CRTAM: variants seen among roughly 807,000 people sequenced by gnomAD.
CRTAM encodes cytotoxic and regulatory T cell molecule, also known as cytotoxic and regulatory T-cell molecule.
In CRTAM, 44 loss-of-function variants were observed where a neutral mutation model predicts 50.0. That is an observed-to-expected ratio of 0.88 (90% CI 0.69 to 1.13). CRTAM has a LOEUF of 1.13. CRTAM is among the 50% of genes most tolerant of loss of function. CRTAM has a pLI of 0.00. For synonymous variants in CRTAM, 159 were observed against 169.3 expected (o/e 0.94, Z 0.47); for missense variants, 448 against 457.5 (o/e 0.98, Z 0.19).
chr11:122,857,368 C>A (rs1014876316), intron 5 of CRTAM, among the ~76,000 whole-genome samples: 2 of 152,210 alleles, frequency 1.3e-5, no homozygotes, highest in Non-Finnish European at 1.5e-5. Context: ...ACTTGGGAGG[C>A]TGAGGCACAA....
chr11:122,846,532 G>C (rs909647777), intron 1 of CRTAM, among the ~76,000 whole-genome samples: 2 of 152,050 alleles, frequency 1.3e-5, no homozygotes, highest in Non-Finnish European at 2.9e-5. Flanking sequence ...CAGGTGATCT[G>C]CTCACTTCGG....
intron 9 of CRTAM, among the ~76,000 whole-genome samples, chr11:122,868,526 T>C (rs1484084653): frequency 6.6e-6 from 1 of 152,102 alleles, no homozygotes; most frequent in African/African-American, 2.4e-5. Context: ...CCCAACAGAA[T>C]GGATGGTGCC....
chr11:122,840,157 TTA>T (rs2135225768), intron 1 of CRTAM, among the ~76,000 whole-genome samples: 1 of 152,260 alleles, frequency 6.6e-6, no homozygotes, highest in African/African-American at 2.4e-5. Flanking sequence ...ATAGCAAAAA[TTA>T]TGTTTCAAGG....
chr11:122,850,336 A>G, intron 2 of CRTAM, 122 bp downstream of exon 2: 3 of 898,650 alleles, frequency 3.3e-6, no homozygotes, highest in Non-Finnish European at 4.9e-6. Flanking sequence ...CAGCCCACCT[A>G]CTGTTACACA....
chr11:122,856,590 A>G (rs1462225919), intron 5 of CRTAM, among the ~76,000 whole-genome samples: 1 of 152,250 alleles, frequency 6.6e-6, no homozygotes, highest in Non-Finnish European at 1.5e-5. Flanking sequence ...ATCAAATCCT[A>G]AAGTATAAGG....
intron 6 of CRTAM, among the ~76,000 whole-genome samples, chr11:122,863,407 C>A (rs1463322735): frequency 1.3e-5 from 2 of 151,926 alleles, no homozygotes; most frequent in Admixed American, 6.6e-5. Context: ...GTGCTTTGAG[C>A]AAGACTATTA....
chr11:122,862,029 T>C (rs1862091706), intron 5 of CRTAM, among the ~76,000 whole-genome samples: 1 of 151,374 alleles, frequency 6.6e-6, no homozygotes, highest in East Asian at 1.9e-4. Flanking sequence ...GAAAAAAAAG[T>C]GCTAGGTCGG....
At chr11:122,846,069 G>A (rs1861859126) in intron 1 of CRTAM, among the ~76,000 whole-genome samples, 1 of 152,118 alleles carries the variant, frequency 6.6e-6, no homozygotes, top group Non-Finnish European at 1.5e-5. Flanking sequence ...GAGAGATGGA[G>A]CAACACAGAA....
At chr11:122,839,022 G>A (rs1258944806) in intron 1 of CRTAM, among the ~76,000 whole-genome samples, 1 of 152,078 alleles carries the variant, frequency 6.6e-6, no homozygotes, top group Non-Finnish European at 1.5e-5. Context: ...TCCGCCTCCC[G>A]GGTTCACGCC....
At chr11:122,851,600 A>G in intron 2 of CRTAM, 93 bp from the exon 3 acceptor site, 6 of 1,103,048 alleles carry the variant, frequency 5.4e-6, no homozygotes, top group Non-Finnish European at 8.1e-6. Flanking sequence ...CCAAATGTAG[A>G]AAGCGGGGCA....
intron 9 of CRTAM, among the ~76,000 whole-genome samples, chr11:122,868,521 C>A (rs1862212594): frequency 2.0e-5 from 3 of 152,094 alleles, no homozygotes; most frequent in African/African-American, 4.8e-5. Context: ...GGGCCCCCAA[C>A]AGAATGGATG....
Position 122,867,404 on chromosome 11 carries a change from T to C in CRTAM, c.818-5T>C. The C allele has an allele frequency of 6.2e-7, 1 of 1,606,042 alleles. No individual in the cohort carries two copies. Among genetic ancestry groups the C allele is most frequent in the Non-Finnish European group, 8.5e-7 (1 of 1,177,832 alleles). ...ATCTAAACTCCTTTTTCATTTTCCT[T>C]ATAGAAGCAAATCCTCAGTATTTAG... On this transcript the variant is annotated splice_region_variant and splice_polypyrimidine_tract_variant and intron_variant, in intron 7 of 9. Transcript: ENST00000227348.
chr11:122,853,529 A>T (rs982835907), intron 3 of CRTAM, among the ~76,000 whole-genome samples: 2 of 151,950 alleles, frequency 1.3e-5, no homozygotes, highest in African/African-American at 4.8e-5. Flanking sequence ...AGATTAAGTT[A>T]AAAAATATGG....
At chr11:122,856,540 A>C (rs1862010134) in intron 5 of CRTAM, among the ~76,000 whole-genome samples, 1 of 152,196 alleles carries the variant, frequency 6.6e-6, no homozygotes, top group African/African-American at 2.4e-5. Context: ...AATTAGTAGG[A>C]CTCTGAGTTT....
Position 122,864,695 on chromosome 11 carries a change from A to G in CRTAM, c.793A>G (p.Thr265Ala). The G allele has an allele frequency of 6.2e-7, 1 of 1,613,578 alleles. No individual in the cohort carries two copies. Among genetic ancestry groups the G allele is most frequent in the South Asian group, 1.1e-5 (1 of 91,044 alleles). ...EIDKEEKEQT[T>A]QDPDLTTEAN... ...TGACAAGGAAGAGAAAGAACAAACC[A>G]CTCAAGATCCTGACTTGACCACCGG... is the stretch of plus-strand genomic sequence containing the variant. The change falls in exon 7 of 10, where the codon ACT becomes GCT. Residue 265 changes from threonine (T) to alanine (A), a missense_variant. Physicochemically the swap from Thr to Ala is moderately conservative, Grantham distance 58. Coordinates refer to ENST00000227348, the MANE Select transcript of CRTAM (RefSeq NM_019604.4).
At chr11:122,852,821 C>T (rs1411874583) in intron 3 of CRTAM, among the ~76,000 whole-genome samples, 1 of 152,144 alleles carries the variant, frequency 6.6e-6, no homozygotes, top group Non-Finnish European at 1.5e-5. Context: ...CTATTAGCTC[C>T]TTGAATCATA....
At chr11:122,839,062 G>A (rs899540815) in intron 1 of CRTAM, among the ~76,000 whole-genome samples, 5 of 152,068 alleles carry the variant, frequency 3.3e-5, no homozygotes, top group African/African-American at 1.2e-4. Context: ...CCAAGTAGCT[G>A]GGACTACAGG....
chr11:122,865,959 CA>C (rs1862167629), intron 7 of CRTAM, among the ~76,000 whole-genome samples: 1 of 152,230 alleles, frequency 6.6e-6, no homozygotes, highest in African/African-American at 2.4e-5. Context: ...AGGCTCTCAT[CA>C]TCTCCTGCAT....
intron 1 of CRTAM, among the ~76,000 whole-genome samples, chr11:122,845,206 G>T (rs1184065552): frequency 6.6e-6 from 1 of 152,156 alleles, no homozygotes; most frequent in Non-Finnish European, 1.5e-5. Context: ...ACTGATTTAA[G>T]GGGCAGAGAG....
Sources: gnomAD v4.1 joint callset for allele counts (sites outside exome capture counted in the v4.1 genomes callset) on GRCh38, gnomAD v4.1.1 for gene constraint, MANE v1.5 for transcripts, NCBI Gene and HGNC (gene_info 2026-07-23, HGNC 2026-07-21) for gene names.